PGM5: variants seen among roughly 807,000 people sequenced by gnomAD.
PGM5 encodes phosphoglucomutase-like protein 5.
Under a neutral mutation model 59.2 loss-of-function variants are expected in PGM5, and 23 were observed. The observed-to-expected ratio is 0.39, with a 90% CI of 0.28 to 0.55. The LOEUF (loss-of-function observed/expected upper bound fraction) is 0.55, where lower values mean the gene tolerates loss of function less well. Among genes scored for constraint, PGM5 ranks in the 20% least tolerant of loss-of-function variants. The probability of loss-of-function intolerance (pLI) is 0.66; values close to 1 mark genes in which losing one functional copy is unlikely to be tolerated. For synonymous variants in PGM5, 214 were observed against 286.0 expected (o/e 0.75, Z 2.54); for missense variants, 574 against 748.3 (o/e 0.77, Z 2.72).
At chr9:68,528,093 A>G (rs906452279) in intron 10 of PGM5, among the ~76,000 whole-genome samples, 1 of 152,210 alleles carries the variant, frequency 6.6e-6, no homozygotes, top group African/African-American at 2.4e-5. Flanking sequence ...AGGGCCCACA[A>G]GGAACTGAAT....
At chr9:68,518,396 A>G (rs1824853023) in intron 10 of PGM5, among the ~76,000 whole-genome samples, 1 of 152,240 alleles carries the variant, frequency 6.6e-6, no homozygotes, top group Non-Finnish European at 1.5e-5. Context: ...GCACTTGGAT[A>G]CACAAAGCAA....
At position 68,361,556 on chromosome 9, in the gene PGM5, C is replaced by A. The variant is rs7871642; in HGVS notation, c.261+4168C>A. Among the ~76,000 whole-genome samples, 7 of 152,192 alleles carry A rather than the reference C, an allele frequency of 4.6e-5. No individual in the cohort carries two copies. The South Asian group carries it at 6.2e-4, about 13-fold the overall frequency. On this transcript the variant is annotated intron_variant, in intron 1 of 10. Transcript: ENST00000396396. ...AGCAAGTTTAAGATCAAGGAGCATG[C>A]GGTTTTGATATCTGGTTAGGACCAA...
intron 9 of PGM5, among the ~76,000 whole-genome samples, chr9:68,487,585 A>G (rs1044708917): frequency 1.3e-5 from 2 of 152,210 alleles, no homozygotes; most frequent in Middle Eastern, 3.4e-3. Context: ...TTCTATTTTA[A>G]AAGTACTTTG....
At chr9:68,367,060 T>C (rs143851911) in intron 1 of PGM5, among the ~76,000 whole-genome samples, 56,617 of 150,778 alleles carry the variant, frequency 0.38, 10,954 homozygotes, top group Admixed American at 0.41. Flanking sequence ...GGTGTGAGCT[T>C]CTCCCCCTCC....
In PGM5 at chr9:68,437,023, A is replaced by T. The variant is rs2132060160; in HGVS notation, c.1044-28070A>T. Among the ~76,000 whole-genome samples the T allele has an allele frequency of 6.6e-6, 1 of 152,358 alleles. No homozygotes were observed. The highest frequency in any genetic ancestry group is 1.9e-4 in the East Asian group (1 of 5,190). On this transcript the variant is annotated intron_variant, in intron 6 of 10. Coordinates refer to ENST00000396396, the MANE Select transcript of PGM5 (RefSeq NM_021965.4). This position sits in a 1 kb window ranked among gnomAD's most constrained non-coding sequence, Gnocchi z 4.1. ...CACTAAAATTTAAAAATGCCTTTGTATTTATGCATAGCTAACTCCTGAGTT... is the reference window on the plus strand; with the variant it reads ...CACTAAAATTTAAAAATGCCTTTGTTTTTATGCATAGCTAACTCCTGAGTT...
intron 9 of PGM5, among the ~76,000 whole-genome samples, chr9:68,491,451 A>G (rs1366089926): frequency 3.3e-5 from 5 of 152,198 alleles, no homozygotes; most frequent in African/African-American, 9.7e-5. Flanking sequence ...AAGGTTTCCT[A>G]TAGGCATTCT....
intron 1 of PGM5, among the ~76,000 whole-genome samples, chr9:68,369,325 C>A (rs1351838795): frequency 6.6e-6 from 1 of 152,136 alleles, no homozygotes; most frequent in African/African-American, 2.4e-5. Flanking sequence ...TCTTTCCCAT[C>A]GAACACCAAA....
intron 2 of PGM5, among the ~76,000 whole-genome samples, chr9:68,383,040 A>T (rs1554678465): frequency 1.3e-5 from 2 of 151,954 alleles, no homozygotes; most frequent in Non-Finnish European, 2.9e-5. Flanking sequence ...TGTGAAGGGT[A>T]AAAAATGGTA....
At chr9:68,436,855 C>A (rs1416462098) in intron 6 of PGM5, among the ~76,000 whole-genome samples, 1 of 152,190 alleles carries the variant, frequency 6.6e-6, no homozygotes, top group African/African-American at 2.4e-5. Context: ...TTATCTGACT[C>A]CAAGGTCCAA....
chr9:68,487,373 C>G (rs895751099), intron 9 of PGM5, among the ~76,000 whole-genome samples: 6 of 151,800 alleles, frequency 4.0e-5, no homozygotes, highest in Non-Finnish European at 5.9e-5. Flanking sequence ...AGTTCCCTCC[C>G]CTTGACCAGA....
chr9:68,359,112 G>A (rs1159860577), intron 1 of PGM5, among the ~76,000 whole-genome samples: 11 of 152,056 alleles, frequency 7.2e-5, no homozygotes, highest in Non-Finnish European at 1.5e-4. Flanking sequence ...TTGAAGCTAC[G>A]GTTGTTGATT....
intron 9 of PGM5, chr9:68,497,316 C>T (rs1400976785): frequency 6.6e-6 from 1 of 152,184 alleles, no homozygotes; most frequent in Non-Finnish European, 1.5e-5. Context: ...TCCATAAGGG[C>T]CACACTAAAA....
intron 6 of PGM5, among the ~76,000 whole-genome samples, chr9:68,450,569 T>C (rs1018980927): frequency 5.3e-5 from 8 of 152,242 alleles, no homozygotes; most frequent in Non-Finnish European, 8.8e-5. Flanking sequence ...ATTCCATATG[T>C]GTAATCATAC....
Position 68,357,054 on chromosome 9 carries a change from C to G in PGM5, c.-74C>G. ...GGCGGAGTCCCGGCGCGCAGCCAGGCTGGTGGAGGCCCCCGGCAGGCTGCA... is the reference window on the plus strand; with the variant it reads ...GGCGGAGTCCCGGCGCGCAGCCAGGGTGGTGGAGGCCCCCGGCAGGCTGCA... On this transcript the variant is annotated 5_prime_UTR_variant, in exon 1 of 11. Coordinates refer to ENST00000396396, the MANE Select transcript of PGM5 (RefSeq NM_021965.4). 7.3e-7 allele frequency: 1 copy of G among 1,369,746 alleles called. No individual in the cohort carries two copies. Among genetic ancestry groups the G allele is most frequent in the South Asian group, 1.6e-5 (1 of 63,484 alleles). The allele number at this position is 1,369,746 out of a possible 1,614,324, so 84.8% of individuals were successfully genotyped here. A position where few individuals can be genotyped will look rare whatever the true frequency, so the allele number is the denominator to read the frequency against.
intron 6 of PGM5, among the ~76,000 whole-genome samples, chr9:68,408,833 T>A (rs1371154526): frequency 1.3e-5 from 2 of 152,196 alleles, no homozygotes; most frequent in African/African-American, 4.8e-5. Context: ...AAATAGGGAA[T>A]CCTTTCCCCA....
chr9:68,485,955 G>C (rs558349333), intron 9 of PGM5, among the ~76,000 whole-genome samples: 43 of 152,228 alleles, frequency 2.8e-4, no homozygotes, highest in Non-Finnish European at 4.7e-4. Context: ...TGCTGCCGTT[G>C]GTCCTGTTGG....
chr9:68,434,805 G>T (rs1345965689), intron 6 of PGM5, among the ~76,000 whole-genome samples: 1 of 151,982 alleles, frequency 6.6e-6, no homozygotes, highest in Non-Finnish European at 1.5e-5. Flanking sequence ...AAAAAATGGT[G>T]ATCTCTCTGT....
At chr9:68,409,071 T>C (rs1171999862) in intron 6 of PGM5, among the ~76,000 whole-genome samples, 3 of 152,120 alleles carry the variant, frequency 2.0e-5, no homozygotes, top group African/African-American at 4.8e-5. Context: ...TCTTTTTTGG[T>C]TCCATATGAA....
intron 6 of PGM5, among the ~76,000 whole-genome samples, chr9:68,441,557 A>G (rs1366309649): frequency 1.3e-4 from 20 of 152,280 alleles, no homozygotes; most frequent in Middle Eastern, 3.4e-3. Context: ...TCATTTGACA[A>G]AATTTCAACA....
Sources: gnomAD v4.1 joint callset for allele counts (sites outside exome capture counted in the v4.1 genomes callset) on GRCh38, gnomAD v4.1.1 for gene constraint, Gnocchi (gnomAD v3.1) non-coding constraint, MANE v1.5 for transcripts, NCBI Gene and HGNC (gene_info 2026-07-23, HGNC 2026-07-21) for gene names.